Variants in DOCK3 observed in about 807,000 individuals in gnomAD.
DOCK3 encodes dedicator of cytokinesis protein 3.
In DOCK3, 60 loss-of-function variants were observed where a neutral mutation model predicts 265.6. That is an observed-to-expected ratio of 0.23 (90% CI 0.18 to 0.28). The LOEUF (loss-of-function observed/expected upper bound fraction) is 0.28, where lower values mean the gene tolerates loss of function less well. Ranked by LOEUF, DOCK3 falls within the 10% of genes least tolerant of loss-of-function variation. The probability of loss-of-function intolerance (pLI) is 1.00; values close to 1 mark genes in which losing one functional copy is unlikely to be tolerated. For synonymous variants in DOCK3, 881 were observed against 938.0 expected, an observed-to-expected ratio of 0.94 and a Z score of 1.11; for missense variants, 1,981 against 2,594.3, an observed-to-expected ratio of 0.76 and a Z score of 5.14.
chr3:50,835,828 A>G (rs1230919799), intron 2 of DOCK3, among the ~76,000 whole-genome samples: 1 of 152,196 alleles, frequency 6.6e-6, no homozygotes, highest in Non-Finnish European at 1.5e-5. Flanking sequence ...AAAGCAACCC[A>G]AAGCCAATCA....
intron 2 of DOCK3, among the ~76,000 whole-genome samples, chr3:50,829,779 T>G (rs1422814559): frequency 6.6e-6 from 1 of 152,128 alleles, no homozygotes; most frequent in Non-Finnish European, 1.5e-5. Flanking sequence ...TCCAAAAGAG[T>G]TTAAAAATAT....
intron 5 of DOCK3, among the ~76,000 whole-genome samples, chr3:50,992,540 G>A (rs867863447): frequency 4.6e-5 from 7 of 152,134 alleles, no homozygotes; most frequent in East Asian, 1.9e-4. Context: ...CAGGTGATCC[G>A]CACGCCTCAG....
At chr3:51,051,564 G>C (rs1253222645) in intron 5 of DOCK3, among the ~76,000 whole-genome samples, 2 of 152,096 alleles carry the variant, frequency 1.3e-5, no homozygotes, top group East Asian at 3.9e-4. Context: ...GCAAATTGAG[G>C]CACACAAGTA....
intron 4 of DOCK3, among the ~76,000 whole-genome samples, chr3:50,906,917 A>G (rs528708967): frequency 1.4e-4 from 22 of 152,052 alleles, no homozygotes; most frequent in African/African-American, 5.3e-4. Context: ...CCCTCTACAC[A>G]CTGCTTTGAA....
chr3:51,330,774 T>C (rs943413411), intron 33 of DOCK3, among the ~76,000 whole-genome samples: 2 of 152,212 alleles, frequency 1.3e-5, no homozygotes, highest in African/African-American at 2.4e-5. Flanking sequence ...CTTGAGTTGA[T>C]GGAGGCCAAG....
chr3:51,090,455 C>T, intron 9 of DOCK3, 71 bp downstream of exon 9: 1 of 1,432,718 alleles, frequency 7.0e-7, no homozygotes, highest in South Asian at 1.5e-5. Context: ...CTCTGGCCAT[C>T]AGAGAAGACA....
At chr3:51,006,122 C>T (rs542378630) in intron 5 of DOCK3, among the ~76,000 whole-genome samples, 5 of 152,272 alleles carry the variant, frequency 3.3e-5, no homozygotes, top group Admixed American at 2.0e-4. Flanking sequence ...AATACTCCCC[C>T]CTTAGTTATC....
intron 21 of DOCK3, among the ~76,000 whole-genome samples, chr3:51,242,319 A>C (rs2078646195): frequency 6.6e-6 from 1 of 152,086 alleles, no homozygotes; most frequent in Non-Finnish European, 1.5e-5. Context: ...ATGCTCCCAG[A>C]CTGCTGGCCA....
At chr3:50,933,188 A>G (rs1575563790) in intron 4 of DOCK3, among the ~76,000 whole-genome samples, 1 of 152,214 alleles carries the variant, frequency 6.6e-6, no homozygotes, top group East Asian at 1.9e-4. Context: ...GCTACAAGTC[A>G]AGATGAGATT....
At chr3:50,688,339 T>G (rs771888011) in intron 1 of DOCK3, among the ~76,000 whole-genome samples, 4 of 152,194 alleles carry the variant, frequency 2.6e-5, no homozygotes, top group African/African-American at 7.2e-5. Flanking sequence ...GGTGAGACAG[T>G]TTTGAAGGTT....
chr3:50,994,430 C>G (rs1419845997), intron 5 of DOCK3, among the ~76,000 whole-genome samples: 3 of 152,184 alleles, frequency 2.0e-5, no homozygotes, highest in Admixed American at 2.0e-4. Flanking sequence ...TACCCATTCA[C>G]AGCTATAGAG....
intron 13 of DOCK3, among the ~76,000 whole-genome samples, chr3:51,211,622 T>TG (rs11391948): frequency 0.91 from 138,593 of 152,000 alleles, 63,332 homozygotes; most frequent in African/African-American, 0.96. Flanking sequence ...TTTGGTTTTT[T>TG]TCCTTGCGAT....
At chr3:51,199,783 C>G (rs910603686) in intron 12 of DOCK3, among the ~76,000 whole-genome samples, 2 of 152,186 alleles carry the variant, frequency 1.3e-5, no homozygotes, top group Non-Finnish European at 2.9e-5. Flanking sequence ...GAGGCACCCC[C>G]CAGTAGGGGC....
At chr3:50,914,634 T>C (rs1185537525) in intron 4 of DOCK3, among the ~76,000 whole-genome samples, 17 of 152,146 alleles carry the variant, frequency 1.1e-4, no homozygotes, top group Admixed American at 1.0e-3. Flanking sequence ...GGAGAATGTT[T>C]CATGTGCTGA....
intron 49 of DOCK3, among the ~76,000 whole-genome samples, chr3:51,364,963 C>T (rs576862784): frequency 6.6e-6 from 1 of 152,150 alleles, no homozygotes; most frequent in Admixed American, 6.5e-5. Context: ...CTTGGCAATG[C>T]AGGCTCTTTT....
intron 12 of DOCK3, among the ~76,000 whole-genome samples, chr3:51,166,498 G>T (rs1219920224): frequency 6.6e-6 from 1 of 152,164 alleles, no homozygotes; most frequent in African/African-American, 2.4e-5. Flanking sequence ...AAGTGCGATT[G>T]CTGGATCAAA....
chr3:50,814,519 G>A (rs2043956721), intron 2 of DOCK3, among the ~76,000 whole-genome samples: 1 of 151,996 alleles, frequency 6.6e-6, no homozygotes, highest in Admixed American at 6.6e-5. Flanking sequence ...GCCTGCCTTG[G>A]CCTCCTAAAG....
chr3:50,730,194 T>G (rs190703860), intron 1 of DOCK3, among the ~76,000 whole-genome samples: 1 of 152,208 alleles, frequency 6.6e-6, no homozygotes, highest in Admixed American at 6.5e-5. Context: ...CAGGCTGGAG[T>G]GCAGTGGCGT....
intron 4 of DOCK3, among the ~76,000 whole-genome samples, chr3:50,899,138 T>G (rs1225381089): frequency 6.6e-6 from 1 of 152,204 alleles, no homozygotes; most frequent in Non-Finnish European, 1.5e-5. Context: ...CTCTAAGAAC[T>G]TGCTTTATGA....
Sources: gnomAD v4.1 joint callset for allele counts (sites outside exome capture counted in the v4.1 genomes callset) on GRCh38, gnomAD v4.1.1 for gene constraint, MANE v1.5 for transcripts, NCBI Gene and HGNC (gene_info 2026-07-23, HGNC 2026-07-21) for gene names.